Variants in NFASC observed in about 807,000 individuals in gnomAD.
NFASC encodes the protein neurofascin homolog.
Under a neutral mutation model 147.5 loss-of-function variants are expected in NFASC, and 43 were observed. That is an observed-to-expected ratio of 0.29 (90% CI 0.23 to 0.38). NFASC has a LOEUF of 0.38. Ranked by LOEUF, NFASC falls within the 10% of genes least tolerant of loss-of-function variation. NFASC has a pLI of 1.00. For missense variants in NFASC, 1,320 were observed against 1,689.0 expected (o/e 0.78, Z 3.83); for synonymous variants, 622 against 665.5 (o/e 0.93, Z 1.01).
intron 1 of NFASC, among the ~76,000 whole-genome samples, chr1:204,853,390 G>C (rs2075865617): frequency 6.6e-6 from 1 of 152,158 alleles, no homozygotes; most frequent in Admixed American, 6.5e-5. Context: ...TATTTCCTCT[G>C]TGTGTATGTG....
chr1:204,862,580 A>G (rs1462502567), intron 1 of NFASC, among the ~76,000 whole-genome samples: 1 of 152,208 alleles, frequency 6.6e-6, no homozygotes, highest in Non-Finnish European at 1.5e-5. Context: ...TCAAGTTTAA[A>G]ATATAACCTG....
At chr1:204,978,635 G>A (rs1474129207) in intron 17 of NFASC, among the ~76,000 whole-genome samples, 2 of 152,216 alleles carry the variant, frequency 1.3e-5, no homozygotes, top group Non-Finnish European at 2.9e-5. Flanking sequence ...TCTGATGACG[G>A]GTGGCATTCC....
chr1:204,926,569 A>G (rs1374358086), intron 2 of NFASC, among the ~76,000 whole-genome samples: 1 of 150,016 alleles, frequency 6.7e-6, no homozygotes, highest in Non-Finnish European at 1.5e-5. Context: ...GCGCGCCACC[A>G]TGCCCGGCTA....
intron 2 of NFASC, among the ~76,000 whole-genome samples, chr1:204,942,817 T>G (rs2093449647): frequency 6.6e-6 from 1 of 152,146 alleles, no homozygotes; most frequent in African/African-American, 2.4e-5. Flanking sequence ...GCCCAGCTTC[T>G]GGGAAAGAAA....
intron 2 of NFASC, among the ~76,000 whole-genome samples, chr1:204,924,140 T>A (rs960027680): frequency 4.6e-5 from 7 of 152,232 alleles, no homozygotes; most frequent in African/African-American, 1.7e-4. Context: ...CTCAGGAAAA[T>A]CCTCATTCTG....
intron 1 of NFASC, among the ~76,000 whole-genome samples, chr1:204,845,594 GGT>G (rs1676779754): frequency 6.6e-6 from 1 of 152,118 alleles, no homozygotes; most frequent in African/African-American, 2.4e-5. Flanking sequence ...GGAGATTTGG[GGT>G]GGAACCTTGA....
chr1:204,934,149 A>C (rs568347209), intron 2 of NFASC, among the ~76,000 whole-genome samples: 11 of 151,692 alleles, frequency 7.3e-5, no homozygotes, highest in Admixed American at 3.3e-4. Flanking sequence ...AAAAAAAAAA[A>C]AAAAACAGAT....
rs750348967 is a variant in NFASC at position 204,972,325 on chromosome 1, TG to T, written c.1136-950del. ...AAAGTCACTTTCTAGTGGTTAAAGATGAGAAAAGTGGCAATTCTTTACATTT... is the reference window on the plus strand; with the variant it reads ...AAAGTCACTTTCTAGTGGTTAAAGATAGAAAAGTGGCAATTCTTTACATTT... On this transcript the variant is annotated intron_variant, in intron 11 of 29. Coordinates refer to ENST00000339876, the MANE Select transcript of NFASC (RefSeq NM_001005388.3). 8.5e-5 allele frequency among the ~76,000 whole-genome samples: 13 copies of T among 152,376 alleles called. No individual in the cohort carries two copies. The East Asian group carries it at 2.5e-3, about 29-fold the overall frequency.
intron 2 of NFASC, among the ~76,000 whole-genome samples, chr1:204,934,099 T>C (rs2092618021): frequency 6.7e-6 from 1 of 148,390 alleles, no homozygotes; most frequent in South Asian, 2.2e-4. Flanking sequence ...GATCACGCTA[T>C]TGCACTCCAC....
At chr1:204,879,551 T>C (rs2079714046) in intron 1 of NFASC, among the ~76,000 whole-genome samples, 2 of 152,202 alleles carry the variant, frequency 1.3e-5, no homozygotes, top group African/African-American at 4.8e-5. Context: ...TCCCTTAGGC[T>C]GCAGAAATGT....
chr1:204,910,517 T>C (rs1356925174), intron 1 of NFASC, among the ~76,000 whole-genome samples: 2 of 43,062 alleles, frequency 4.6e-5, no homozygotes, highest in Admixed American at 3.3e-4. Flanking sequence ...TTCTTTGGCA[T>C]CTTAGCTCAC....
chr1:204,877,008 ATATATATATATATATATATAATATATATT>A (rs2078962662), intron 1 of NFASC, among the ~76,000 whole-genome samples: 2 of 110,434 alleles, frequency 1.8e-5, no homozygotes, highest in Admixed American at 1.2e-4. Flanking sequence ...ATATATATAT[ATATATATATATATATATATAATATATATT>A]TATATATATA....
intron 1 of NFASC, among the ~76,000 whole-genome samples, chr1:204,836,368 G>A (rs1472535804): frequency 2.6e-5 from 4 of 152,176 alleles, no homozygotes; most frequent in Non-Finnish European, 4.4e-5. Flanking sequence ...TTAATTATGA[G>A]GAGGTATTAT....
intron 1 of NFASC, among the ~76,000 whole-genome samples, chr1:204,864,183 A>G (rs1247617623): frequency 6.6e-6 from 1 of 152,190 alleles, no homozygotes; most frequent in Non-Finnish European, 1.5e-5. Flanking sequence ...CAAGGTTGAA[A>G]TGTATCAGAA....
At chr1:204,836,189 A>G (rs539963962) in intron 1 of NFASC, among the ~76,000 whole-genome samples, 225 of 152,116 alleles carry the variant, frequency 1.5e-3, no homozygotes, top group African/African-American at 5.2e-3. Flanking sequence ...TGTGGTGCCT[A>G]TGTTAGTAGA....
intron 17 of NFASC, among the ~76,000 whole-genome samples, chr1:204,978,192 A>G (rs999543066): frequency 1.3e-5 from 2 of 152,156 alleles, no homozygotes; most frequent in East Asian, 1.9e-4. Context: ...CCTTCTAGTG[A>G]CCATCTGAAA....
chr1:204,951,183 C>G (rs973909770), intron 4 of NFASC, among the ~76,000 whole-genome samples: 1 of 144,240 alleles, frequency 6.9e-6, no homozygotes, highest in Non-Finnish European at 1.5e-5. Context: ...GAGTCTCGCT[C>G]TATCGCCCAG....
intron 23 of NFASC, 31 bp from the exon 24 acceptor site, chr1:204,991,261 G>C (rs1365389872): frequency 6.2e-7 from 1 of 1,611,494 alleles, no homozygotes; most frequent in Non-Finnish European, 8.5e-7. Context: ...TTCTCCCTCT[G>C]TCTGGCCATC....
At chr1:204,901,803 G>A (rs935969438) in intron 1 of NFASC, among the ~76,000 whole-genome samples, 1 of 152,098 alleles carries the variant, frequency 6.6e-6, no homozygotes, top group African/African-American at 2.4e-5. Context: ...GGAGGTAGAG[G>A]AGGATTGCTG....
Sources: allele counts gnomAD v4.1 joint callset (sites outside exome capture counted in the v4.1 genomes callset), GRCh38; gene constraint gnomAD v4.1.1; transcripts MANE v1.5; gene names NCBI Gene and HGNC (gene_info 2026-07-23, HGNC 2026-07-21).